Variants in KHDRBS2 observed in about 807,000 individuals in gnomAD.
The protein encoded by KHDRBS2 is KH RNA binding domain containing, signal transduction associated 2.
Under a neutral mutation model 44.3 loss-of-function variants are expected in KHDRBS2, and 26 were observed. That is an observed-to-expected ratio of 0.59 (90% CI 0.43 to 0.81). KHDRBS2 has a LOEUF of 0.81. Ranked by LOEUF, KHDRBS2 falls within the 40% of genes least tolerant of loss-of-function variation. KHDRBS2 has a pLI of 0.00. For missense variants in KHDRBS2, 476 were observed against 433.1 expected (o/e 1.10, Z -0.88); for synonymous variants, 194 against 151.1 (o/e 1.28, Z -2.08).
At chr6:62,054,249 A>T (rs1386970903) in intron 2 of KHDRBS2, among the ~76,000 whole-genome samples, 1 of 152,084 alleles carries the variant, frequency 6.6e-6, no homozygotes, top group African/African-American at 2.4e-5. Flanking sequence ...CAAGTCAAGA[A>T]CTATTCCTTC....
intron 6 of KHDRBS2, among the ~76,000 whole-genome samples, chr6:61,871,520 A>C (rs1309524253): frequency 6.6e-6 from 1 of 152,150 alleles, no homozygotes; most frequent in Non-Finnish European, 1.5e-5. Context: ...CCACAAAGAT[A>C]CTCCTCAAGA....
At chr6:62,144,709 A>G (rs746727084) in intron 2 of KHDRBS2, among the ~76,000 whole-genome samples, 31 of 151,980 alleles carry the variant, frequency 2.0e-4, no homozygotes, top group Non-Finnish European at 3.8e-4. Context: ...AACAGCTCAA[A>G]GAAAAGCAGT....
At chr6:62,075,334 C>A (rs1796121706) in intron 2 of KHDRBS2, among the ~76,000 whole-genome samples, 1 of 151,900 alleles carries the variant, frequency 6.6e-6, no homozygotes, top group Non-Finnish European at 1.5e-5. Flanking sequence ...AAGCAGAGAG[C>A]AAGCTAGACA....
the KHDRBS2 span, among the ~76,000 whole-genome samples, chr6:61,663,724 T>G: frequency 6.6e-6 from 1 of 150,980 alleles, no homozygotes; most frequent in African/African-American, 2.4e-5. Context: ...AAACAAACAG[T>G]TATACTGCTT....
chr6:61,748,427 C>A (rs532747718), intron 6 of KHDRBS2, among the ~76,000 whole-genome samples: 24 of 152,270 alleles, frequency 1.6e-4, no homozygotes, highest in African/African-American at 5.3e-4. Flanking sequence ...ACCAGCAGTC[C>A]TGGAAGCCCA....
chr6:62,132,885 A>G (rs1312875990), intron 2 of KHDRBS2, among the ~76,000 whole-genome samples: 1 of 152,216 alleles, frequency 6.6e-6, no homozygotes, highest in Admixed American at 6.5e-5. Context: ...AATCAGATCA[A>G]CATGGCTTGC....
At chr6:62,012,500 G>A (rs116700044) in intron 3 of KHDRBS2, among the ~76,000 whole-genome samples, 1 of 152,088 alleles carries the variant, frequency 6.6e-6, no homozygotes, top group Non-Finnish European at 1.5e-5. Context: ...AAATCCAAAC[G>A]CTTCTTTCTG....
At chr6:62,226,973 G>C (rs1009948625) in intron 1 of KHDRBS2, among the ~76,000 whole-genome samples, 12 of 152,044 alleles carry the variant, frequency 7.9e-5, no homozygotes, top group Non-Finnish European at 1.8e-4. Flanking sequence ...CTCCAGCTTT[G>C]TTCTTTTTGC....
the KHDRBS2 span, among the ~76,000 whole-genome samples, chr6:61,587,750 A>G: frequency 2.6e-5 from 4 of 152,174 alleles, no homozygotes; most frequent in Non-Finnish European, 4.4e-5. Flanking sequence ...TACAGAACAT[A>G]TCTTTACACT....
chr6:61,974,078 CTA>C (rs1474978414), intron 4 of KHDRBS2, among the ~76,000 whole-genome samples: 29 of 152,048 alleles, frequency 1.9e-4, no homozygotes, highest in Non-Finnish European at 7.4e-5. Context: ...AGACAATGTA[CTA>C]TGTTTCAGTC....
intron 6 of KHDRBS2, among the ~76,000 whole-genome samples, chr6:61,747,288 C>T (rs1490590257): frequency 1.3e-5 from 2 of 152,122 alleles, no homozygotes; most frequent in Admixed American, 6.6e-5. Flanking sequence ...AAAACAAAAA[C>T]AGCATAAGAA....
At chr6:61,707,195 G>C (rs1769733743) in intron 7 of KHDRBS2, among the ~76,000 whole-genome samples, 2 of 151,698 alleles carry the variant, frequency 1.3e-5, no homozygotes, top group Non-Finnish European at 3.0e-5. Flanking sequence ...ACTTAGGATA[G>C]TCAAGGAATG....
chr6:61,591,105 T>C, the KHDRBS2 span, among the ~76,000 whole-genome samples: 2 of 152,134 alleles, frequency 1.3e-5, no homozygotes, highest in Admixed American at 1.3e-4. Context: ...TCACAACAAT[T>C]GATCACTGTT....
At chr6:61,675,598 C>G (rs1484430916), downstream of KHDRBS2, among the ~76,000 whole-genome samples, 1 of 151,678 alleles carries the variant, frequency 6.6e-6, no homozygotes, top group Non-Finnish European at 1.5e-5. Context: ...TACATAGTGA[C>G]CTCAGGGCAC....
chr6:62,114,065 C>A (rs1264831537), intron 2 of KHDRBS2, among the ~76,000 whole-genome samples: 2 of 151,964 alleles, frequency 1.3e-5, no homozygotes, highest in Non-Finnish European at 2.9e-5. Flanking sequence ...CTTATAAAAC[C>A]ATCAGATCTC....
At chr6:61,936,783 A>G (rs1481097298) in intron 4 of KHDRBS2, among the ~76,000 whole-genome samples, 1 of 151,966 alleles carries the variant, frequency 6.6e-6, no homozygotes, top group Non-Finnish European at 1.5e-5. Context: ...GTATTCCTCT[A>G]TCTTCTTCAC....
chr6:62,018,280 T>TCA (rs1781588681), intron 3 of KHDRBS2, among the ~76,000 whole-genome samples: 1 of 150,150 alleles, frequency 6.7e-6, no homozygotes, highest in South Asian at 2.1e-4. Flanking sequence ...ATGTGTATAT[T>TCA]CACACACTAT....
At chr6:61,656,189 G>A in the KHDRBS2 span, among the ~76,000 whole-genome samples, 1 of 152,106 alleles carries the variant, frequency 6.6e-6, no homozygotes, top group East Asian at 1.9e-4. Context: ...AGCTCAACAA[G>A]GAAAATAACA....
intron 8 of KHDRBS2, among the ~76,000 whole-genome samples, chr6:61,687,232 T>C (rs1766916983): frequency 6.6e-6 from 1 of 151,840 alleles, no homozygotes; most frequent in Admixed American, 6.6e-5. Flanking sequence ...GAGTTCACCA[T>C]CATTTGTCCT....
Sources: gnomAD v4.1 joint callset for allele counts (sites outside exome capture counted in the v4.1 genomes callset) on GRCh38, gnomAD v4.1.1 for gene constraint, MANE v1.5 for transcripts, NCBI Gene and HGNC (gene_info 2026-07-23, HGNC 2026-07-21) for gene names.